ADAMTS16: variants seen among roughly 807,000 people sequenced by gnomAD.
The protein encoded by ADAMTS16 is A disintegrin and metalloproteinase with thrombospondin motifs 16.
In ADAMTS16, 94 loss-of-function variants were observed where a neutral mutation model predicts 145.8. The observed-to-expected ratio is 0.64, with a 90% CI of 0.55 to 0.77. The LOEUF is 0.77. ADAMTS16 is among the 30% of genes least tolerant of loss of function. The probability of loss-of-function intolerance (pLI) is 0.00; values close to 1 mark genes in which losing one functional copy is unlikely to be tolerated. For missense variants in ADAMTS16, 1,585 were observed against 1,591.5 expected, an observed-to-expected ratio of 1.00 and a Z score of 0.07; for synonymous variants, 659 against 604.3, an observed-to-expected ratio of 1.09 and a Z score of -1.33.
chr5:5,281,281 T>C (rs1467670413), intron 18 of ADAMTS16, among the ~76,000 whole-genome samples: 1 of 152,234 alleles, frequency 6.6e-6, no homozygotes, highest in African/African-American at 2.4e-5. Context: ...TCCACTCAGA[T>C]AATAGATAAT....
chr5:5,303,887 C>T, intron 20 of ADAMTS16, 121 bp downstream of exon 20: 1 of 1,171,330 alleles, frequency 8.5e-7, no homozygotes, highest in South Asian at 1.6e-5. Context: ...TTCTTGGCTT[C>T]CTTGCACCTT....
chr5:5,289,512 C>G (rs1739222124), intron 18 of ADAMTS16, among the ~76,000 whole-genome samples: 1 of 152,188 alleles, frequency 6.6e-6, no homozygotes, highest in South Asian at 2.1e-4. Context: ...TCCATGATAG[C>G]TAGGCTCAAC....
intron 21 of ADAMTS16, among the ~76,000 whole-genome samples, chr5:5,315,279 G>A (rs1021302718): frequency 1.9e-4 from 29 of 152,258 alleles, no homozygotes; most frequent in African/African-American, 6.0e-4. Context: ...CTGGTCATGC[G>A]GGGATTATGG....
chr5:5,185,433 G>A (rs2126566953), intron 4 of ADAMTS16, among the ~76,000 whole-genome samples: 1 of 152,158 alleles, frequency 6.6e-6, no homozygotes, highest in East Asian at 1.9e-4. Flanking sequence ...ATTTTTAAAG[G>A]GATTACTTCA....
chr5:5,214,445 G>A (rs930094993), intron 10 of ADAMTS16, among the ~76,000 whole-genome samples: 6 of 151,168 alleles, frequency 4.0e-5, no homozygotes, highest in Non-Finnish European at 7.4e-5. Context: ...TTGCTCTATC[G>A]CCCAGGTTGG....
At chr5:5,146,508 G>A (rs1734301896) in intron 3 of ADAMTS16, 53 bp downstream of exon 3, 2 of 1,524,028 alleles carry the variant, frequency 1.3e-6, no homozygotes, top group African/African-American at 1.4e-5. Context: ...ATGGTGGAAA[G>A]GAGAGCGTAA....
intron 17 of ADAMTS16, among the ~76,000 whole-genome samples, chr5:5,250,326 G>A (rs1310887106): frequency 6.6e-6 from 1 of 152,100 alleles, no homozygotes; most frequent in Non-Finnish European, 1.5e-5. Flanking sequence ...GTTCTGATAG[G>A]AGCCATGCAG....
At chr5:5,212,271 G>A (rs1419569991) in intron 10 of ADAMTS16, among the ~76,000 whole-genome samples, 6 of 145,420 alleles carry the variant, frequency 4.1e-5, no homozygotes, top group East Asian at 4.6e-4. Flanking sequence ...GCAGTGGCAC[G>A]ATCTTGGCTC....
At chr5:5,214,055 G>A (rs1485375709) in intron 10 of ADAMTS16, among the ~76,000 whole-genome samples, 1 of 152,192 alleles carries the variant, frequency 6.6e-6, no homozygotes, top group East Asian at 1.9e-4. Flanking sequence ...TCCCAACAGC[G>A]GGGTCTGCAA....
chr5:5,278,603 T>A (rs1738785747), intron 18 of ADAMTS16, among the ~76,000 whole-genome samples: 1 of 152,228 alleles, frequency 6.6e-6, no homozygotes, highest in African/African-American at 2.4e-5. Context: ...AAAAGATATA[T>A]CAACTTCATG....
intron 18 of ADAMTS16, among the ~76,000 whole-genome samples, chr5:5,276,155 G>A (rs572309835): frequency 3.9e-5 from 6 of 152,252 alleles, no homozygotes; most frequent in South Asian, 4.1e-4. Context: ...CACAGTGCCC[G>A]GCCAAACCTA....
At chr5:5,165,152 C>G (rs1734839176) in intron 3 of ADAMTS16, among the ~76,000 whole-genome samples, 1 of 152,160 alleles carries the variant, frequency 6.6e-6, no homozygotes, top group Non-Finnish European at 1.5e-5. Flanking sequence ...TCCTCTGCTT[C>G]CCACCTCCAG....
At position 5,215,870 on chromosome 5, in the gene ADAMTS16, G is replaced by GTATATA. The variant is rs55703329; in HGVS notation, c.1605+6664_1605+6669dup. Among the ~76,000 whole-genome samples the GTATATA allele has an allele frequency of 6.1e-3, 614 of 101,184 alleles. 13 individuals are homozygous for GTATATA. The highest frequency in any genetic ancestry group is 7.7e-3 in the Non-Finnish European group (422 of 54,864). The allele number at this position is 101,184 out of a possible 152,430, so 66.4% of individuals were successfully genotyped here. On this transcript the variant is annotated intron_variant, in intron 10 of 22. Coordinates refer to ENST00000274181, the MANE Select transcript of ADAMTS16 (RefSeq NM_139056.4). ...ATATATATATATGTGGTGTGTATGT[G>GTATATA]TATATATATATATATATATATATAT...
intron 10 of ADAMTS16, among the ~76,000 whole-genome samples, chr5:5,212,199 GTT>G (rs1736290671): frequency 1.0e-5 from 1 of 97,960 alleles, no homozygotes; most frequent in Non-Finnish European, 2.3e-5. Context: ...GGTTTTTTTT[GTT>G]TTGTTTTGTT....
intron 18 of ADAMTS16, among the ~76,000 whole-genome samples, chr5:5,281,451 T>C (rs1738902635): frequency 6.6e-6 from 1 of 152,206 alleles, no homozygotes; most frequent in Non-Finnish European, 1.5e-5. Flanking sequence ...TTCATAATAT[T>C]AGAGTATTAA....
intron 18 of ADAMTS16, among the ~76,000 whole-genome samples, chr5:5,268,388 C>T (rs1447041828): frequency 6.6e-6 from 1 of 152,220 alleles, no homozygotes; most frequent in Non-Finnish European, 1.5e-5. Context: ...GTACGTAGCA[C>T]TGCAGACGAA....
intron 4 of ADAMTS16, among the ~76,000 whole-genome samples, chr5:5,185,796 C>T (rs1012880515): frequency 1.3e-5 from 2 of 152,298 alleles, no homozygotes; most frequent in African/African-American, 4.8e-5. Context: ...AGTGCCCTCT[C>T]TTGCTGTTTT....
At chr5:5,287,293 C>T (rs2126482151) in intron 18 of ADAMTS16, among the ~76,000 whole-genome samples, 1 of 152,348 alleles carries the variant, frequency 6.6e-6, no homozygotes, top group Middle Eastern at 3.4e-3. Flanking sequence ...ACCTGAGTCT[C>T]ATCGTGGTAG....
chr5:5,186,160 A>G lies in ADAMTS16; in HGVS notation c.872A>G (p.Asn291Ser). The change falls in exon 5 of 23, where the codon AAC becomes AGC. Residue 291 changes from asparagine to serine, a missense_variant. By Grantham distance (46) the Asn-to-Ser change is conservative. Transcript: ENST00000274181. ...AGGTCCCATAGAAATGAAGAACTGA[A>G]CGTGGAGACCTTGGTGGTGGTCGAC... ...LLRSHRNEELNVETLVVVDKK... is the reference protein window; with the variant it reads ...LLRSHRNEELSVETLVVVDKK... 6.2e-7 allele frequency: 1 copy of G among 1,614,110 alleles called. No homozygotes were observed.
Sources: allele counts gnomAD v4.1 joint callset (sites outside exome capture counted in the v4.1 genomes callset), GRCh38; gene constraint gnomAD v4.1.1; transcripts MANE v1.5; gene names NCBI Gene and HGNC (gene_info 2026-07-23, HGNC 2026-07-21).